Variants in USH2A observed in about 807,000 individuals in gnomAD.
USH2A encodes Usher syndrome 2A (autosomal recessive, mild).
A neutral mutation model predicts 538.9 loss-of-function variants in USH2A; 443 were observed. That is an observed-to-expected ratio of 0.82 (90% CI 0.76 to 0.89). The LOEUF is 0.89. Among genes scored for constraint, USH2A ranks in the 40% least tolerant of loss-of-function variants. The pLI is 0.00. For missense variants in USH2A, 6,633 were observed against 6,324.8 expected, an observed-to-expected ratio of 1.05 and a Z score of -1.65; for synonymous variants, 2,413 against 2,273.5, an observed-to-expected ratio of 1.06 and a Z score of -1.75.
At chr1:216,253,789 G>A (rs375474373) in intron 11 of USH2A, among the ~76,000 whole-genome samples, 57 of 152,200 alleles carry the variant, frequency 3.7e-4, no homozygotes, top group East Asian at 1.2e-3. Context: ...TTAAAGATTC[G>A]GGGTAAAAGA....
At chr1:215,811,599 CA>C (rs1247230481) in intron 49 of USH2A, among the ~76,000 whole-genome samples, 1 of 115,474 alleles carries the variant, frequency 8.7e-6, no homozygotes, top group Non-Finnish European at 1.9e-5. Context: ...ATGCCTACTG[CA>C]CTATCCTAAA....
At chr1:216,218,480 T>C (rs1319750108) in intron 14 of USH2A, among the ~76,000 whole-genome samples, 1 of 152,114 alleles carries the variant, frequency 6.6e-6, no homozygotes, top group Admixed American at 6.6e-5. Context: ...CAACATCAAA[T>C]GGATTCACCT....
intron 14 of USH2A, among the ~76,000 whole-genome samples, chr1:216,220,884 C>G (rs2035445265): frequency 6.6e-6 from 1 of 152,016 alleles, no homozygotes; most frequent in South Asian, 2.1e-4. Flanking sequence ...ATGAAGACAT[C>G]ATTCAACATA....
At chr1:216,094,762 C>T (rs12119670) in intron 22 of USH2A, among the ~76,000 whole-genome samples, 94,800 of 151,882 alleles carry the variant, frequency 0.62, 30,423 homozygotes, top group African/African-American at 0.69. Context: ...CAGTATAGCA[C>T]TGTAGCTAAA....
chr1:216,076,553 A>G (rs1173007931), intron 27 of USH2A, among the ~76,000 whole-genome samples: 1 of 152,072 alleles, frequency 6.6e-6, no homozygotes, highest in Non-Finnish European at 1.5e-5. Flanking sequence ...AACAGGATTA[A>G]GTAATCTCAC....
intron 30 of USH2A, among the ~76,000 whole-genome samples, chr1:216,059,354 C>T (rs2102536465): frequency 6.6e-6 from 1 of 152,272 alleles, no homozygotes; most frequent in East Asian, 1.9e-4. Context: ...GTGTATGCCT[C>T]TAACTCTTCA....
intron 43 of USH2A, among the ~76,000 whole-genome samples, chr1:215,874,251 TTTGCAAGG>T (rs1399765809): frequency 5.3e-5 from 8 of 152,102 alleles, no homozygotes; most frequent in African/African-American, 1.9e-4. Flanking sequence ...ACTTGCTCAC[TTTGCAAGG>T]AATTATTAAG....
chr1:215,915,913 C>T (rs1665940474), intron 38 of USH2A, among the ~76,000 whole-genome samples: 1 of 151,642 alleles, frequency 6.6e-6, no homozygotes. Flanking sequence ...TGGAAATCAT[C>T]ATTCTCAATA....
intron 9 of USH2A, among the ~76,000 whole-genome samples, chr1:216,292,831 A>G (rs1212320321): frequency 6.6e-6 from 1 of 152,152 alleles, no homozygotes; most frequent in Admixed American, 6.5e-5. Context: ...CATGTTAACA[A>G]CTCTCCAATG....
rs1292688040 is a variant in USH2A, at chr1:216,196,729, A to G, written c.4082-7T>C. 2 of 1,612,116 alleles carry G rather than the reference A, an allele frequency of 1.2e-6. No homozygotes were observed. Among genetic ancestry groups the G allele is most frequent in the Middle Eastern group, 1.6e-4 (1 of 6,074 alleles). ...GGGATCATGAATACAGGTGCTATCA[A>G]TGAGAACAATAACAATAACATCAAA... On this transcript the variant is annotated splice_region_variant and splice_polypyrimidine_tract_variant and intron_variant, in intron 18 of 71. Transcript: ENST00000307340.
At chr1:216,330,780 G>A (rs2037844961) in intron 4 of USH2A, among the ~76,000 whole-genome samples, 1 of 152,020 alleles carries the variant, frequency 6.6e-6, no homozygotes, top group African/African-American at 2.4e-5. Context: ...CTAGAATATA[G>A]GAAGATAAGA....
intron 61 of USH2A, among the ~76,000 whole-genome samples, chr1:215,704,108 C>A (rs1207085201): frequency 6.6e-6 from 1 of 152,224 alleles, no homozygotes; most frequent in Admixed American, 6.5e-5. Context: ...TGAGGCGACG[C>A]CCCACCCTGC....
At chr1:216,334,806 G>C (rs1385122533) in intron 4 of USH2A, among the ~76,000 whole-genome samples, 2 of 151,732 alleles carry the variant, frequency 1.3e-5, no homozygotes, top group Non-Finnish European at 3.0e-5. Flanking sequence ...ACAGTAAAAT[G>C]ACAAATTTAA....
At chr1:215,980,113 C>T (rs576458131) in intron 35 of USH2A, among the ~76,000 whole-genome samples, 3 of 152,202 alleles carry the variant, frequency 2.0e-5, no homozygotes, top group South Asian at 2.1e-4. Flanking sequence ...TACTGTTGTG[C>T]AGGGGAGCAT....
In USH2A at chr1:216,199,831, T is replaced by C; in HGVS notation, c.3607A>G (p.Thr1203Ala). Residue 1203 changes from threonine (T) to alanine (A), a missense_variant, in exon 17 of 72, where the codon ACC (threonine) becomes GCC (alanine). By Grantham distance (58) the Thr-to-Ala change is moderately conservative (BLOSUM62 0). Transcript: ENST00000307340. Reference sequence around the variant, plus strand: ...ACCAGATTCCAGATGGTAGCTGAGGTTTCATGACCTTCGTAGGAAACACAT... The same window carrying C: ...ACCAGATTCCAGATGGTAGCTGAGGCTTCATGACCTTCGTAGGAAACACAT... ...QPCVSYEGHETSATIWNLVPF... is the reference protein window; with the variant it reads ...QPCVSYEGHEASATIWNLVPF... The C allele has an allele frequency of 6.2e-7, 1 of 1,613,996 alleles. No individual in the cohort carries two copies. The highest frequency in any genetic ancestry group is 8.5e-7 in the Non-Finnish European group (1 of 1,179,978).
chr1:216,248,771 G>T (rs1183592022), intron 12 of USH2A, among the ~76,000 whole-genome samples: 1 of 151,988 alleles, frequency 6.6e-6, no homozygotes, highest in East Asian at 1.9e-4. Context: ...TTAAAAATAT[G>T]CACAGTGCTT....
chr1:216,226,302 T>C (rs1454932698), intron 14 of USH2A, among the ~76,000 whole-genome samples: 1 of 152,222 alleles, frequency 6.6e-6, no homozygotes, highest in Non-Finnish European at 1.5e-5. Flanking sequence ...TTACTTTACA[T>C]TGCAAAATAC....
rs369544099 is a variant in USH2A at position 215,675,290 on chromosome 1, G to C, written c.12621C>G (p.Ala4207=). The stretch of plus-strand genomic sequence containing the variant: ...ATTCTGTGAAAACAATTTTCTCGTC[G>C]GCCTGGATTGTCTGATTTCCCCAAG... ...GKAWGNQTIQ[A]DEKIVFTEYN... is the part of the protein sequence containing the mutation. Residue 4207 remains alanine, a synonymous_variant, in exon 63 of 72, where the codon GCC becomes GCG. Transcript: ENST00000307340. 6.2e-7 allele frequency: 1 copy of C among 1,613,970 alleles called. No homozygotes were observed. Among genetic ancestry groups the C allele is most frequent in the Non-Finnish European group, 8.5e-7 (1 of 1,180,008 alleles).
chr1:216,266,364 G>A (rs2036473387), intron 11 of USH2A, among the ~76,000 whole-genome samples: 1 of 152,090 alleles, frequency 6.6e-6, no homozygotes, highest in Non-Finnish European at 1.5e-5. Context: ...GAATATCACT[G>A]CAGTATTCTG....
Sources: allele counts gnomAD v4.1 joint callset (sites outside exome capture counted in the v4.1 genomes callset), GRCh38; gene constraint gnomAD v4.1.1; transcripts MANE v1.5; gene names NCBI Gene and HGNC (gene_info 2026-07-23, HGNC 2026-07-21).